Variants in LRRC4C observed in about 807,000 individuals in gnomAD.
LRRC4C encodes leucine-rich repeat-containing protein 4C.
A neutral mutation model predicts 33.6 loss-of-function variants in LRRC4C; 5 were observed. The ratio of observed to expected loss-of-function variants is 0.15; its 90% CI spans 0.08 to 0.31. The LOEUF is 0.31. Ranked by LOEUF, LRRC4C falls within the 10% of genes least tolerant of loss-of-function variation. The probability of loss-of-function intolerance (pLI) is 1.00; values close to 1 mark genes in which losing one functional copy is unlikely to be tolerated. For missense variants in LRRC4C, 560 were observed against 796.7 expected (o/e 0.70, Z 3.58); for synonymous variants, 329 against 302.0 (o/e 1.09, Z -0.93).
chr11:40,906,170 G>A (rs1234453951), intron 2 of LRRC4C, among the ~76,000 whole-genome samples: 1 of 152,176 alleles, frequency 6.6e-6, no homozygotes, highest in East Asian at 1.9e-4. Context: ...CTTTGTAACT[G>A]AGGTAGATAC....
chr11:40,717,672 T>C (rs1321293890), intron 2 of LRRC4C, among the ~76,000 whole-genome samples: 1 of 152,152 alleles, frequency 6.6e-6, no homozygotes, highest in African/African-American at 2.4e-5. Context: ...TTACCCCGTG[T>C]AGTCTTCTCA....
Position 41,424,644 on chromosome 11 carries a change from C to G in LRRC4C, c.-496+34787G>C, listed in dbSNP as rs181001739. Among the ~76,000 whole-genome samples, 197 of 152,034 alleles carry G rather than the reference C, an allele frequency of 1.3e-3. 2 individuals carry two copies. Among genetic ancestry groups the G allele is most frequent in the Non-Finnish European group, 1.0e-3 (71 of 67,964 alleles). ...GTACATTGATAAAGCAAAAGCAAAT[C>G]GAGATTTGACAGAAGATACCAATTT... On this transcript the variant is annotated intron_variant, in intron 1 of 6. Transcript: ENST00000528697.
chr11:40,674,565 G>A (rs967155746), intron 2 of LRRC4C, among the ~76,000 whole-genome samples: 2 of 152,186 alleles, frequency 1.3e-5, no homozygotes, highest in African/African-American at 4.8e-5. Context: ...ATGAGACAGT[G>A]CACGTGGAGA....
At chr11:41,001,341 C>T (rs906351862) in intron 1 of LRRC4C, among the ~76,000 whole-genome samples, 16 of 152,100 alleles carry the variant, frequency 1.1e-4, no homozygotes, top group East Asian at 3.9e-4. Context: ...GAGACCATTG[C>T]CATAAATCAG....
chr11:41,371,923 C>T (rs1844291551), intron 1 of LRRC4C, among the ~76,000 whole-genome samples: 1 of 152,220 alleles, frequency 6.6e-6, no homozygotes, highest in Non-Finnish European at 1.5e-5. Context: ...ATCAGGAGGT[C>T]AGGAGATCGA....
chr11:40,315,819 G>C (rs768602413), intron 4 of LRRC4C, among the ~76,000 whole-genome samples: 1 of 152,002 alleles, frequency 6.6e-6, no homozygotes, highest in East Asian at 1.9e-4. Flanking sequence ...TCTGAACAGC[G>C]GTTTATAAAA....
chr11:40,246,962 T>TC (rs528109515), intron 4 of LRRC4C, among the ~76,000 whole-genome samples: 16 of 152,168 alleles, frequency 1.1e-4, no homozygotes, highest in Non-Finnish European at 2.2e-4. Context: ...TACCAACTGC[T>TC]CAGTGGGAGA....
chr11:41,263,242 T>C (rs532480572), intron 1 of LRRC4C, among the ~76,000 whole-genome samples: 72 of 152,300 alleles, frequency 4.7e-4, no homozygotes, highest in Non-Finnish European at 7.4e-4. Context: ...ATTGATTTTT[T>C]GACTCAAAAA....
chr11:40,209,081 G>A (rs1392136077), intron 5 of LRRC4C, among the ~76,000 whole-genome samples: 1 of 151,890 alleles, frequency 6.6e-6, no homozygotes, highest in Non-Finnish European at 1.5e-5. Flanking sequence ...ATTTACAAAG[G>A]ACATGTGAAA....
chr11:41,363,139 T>C (rs1952415865), intron 1 of LRRC4C, among the ~76,000 whole-genome samples: 1 of 152,182 alleles, frequency 6.6e-6, no homozygotes, highest in African/African-American at 2.4e-5. Flanking sequence ...AGGATCTCCT[T>C]TGTTTCTCTG....
At chr11:40,766,353 TAAAAAAAAAA>T (rs60152534) in intron 2 of LRRC4C, among the ~76,000 whole-genome samples, 2 of 33,902 alleles carry the variant, frequency 5.9e-5, no homozygotes, top group Non-Finnish European at 1.1e-4. Context: ...TTCAGTCTGT[TAAAAAAAAAA>T]AAAAAAAAAA....
intron 3 of LRRC4C, among the ~76,000 whole-genome samples, chr11:40,338,688 A>T (rs547782966): frequency 7.1e-4 from 108 of 152,242 alleles, no homozygotes; most frequent in African/African-American, 1.6e-3. Flanking sequence ...TATTTTTTTT[A>T]AAAATGAAAA....
chr11:41,007,943 T>C (rs1854886532), intron 1 of LRRC4C, among the ~76,000 whole-genome samples: 1 of 152,162 alleles, frequency 6.6e-6, no homozygotes. Context: ...ATCTTGTTAC[T>C]TAAATCCAAT....
intron 4 of LRRC4C, among the ~76,000 whole-genome samples, chr11:40,305,641 T>C (rs1487743879): frequency 6.6e-6 from 1 of 151,880 alleles, no homozygotes; most frequent in Non-Finnish European, 1.5e-5. Context: ...TGTATGTTCT[T>C]AACTTCTAGC....
chr11:41,223,601 C>T lies in LRRC4C; in HGVS notation c.-496+235830G>A, dbSNP rs553407761. ...TTGTCCAAAACTTACTCCCTACATG[C>T]TCACATGCTAGTCTCCCAAAGAAGG... is the stretch of plus-strand genomic sequence containing the variant. On this transcript the variant is annotated intron_variant, in intron 1 of 6. Coordinates refer to ENST00000528697, the MANE Select transcript of LRRC4C (RefSeq NM_001258419.2). Among the ~76,000 whole-genome samples the T allele has an allele frequency of 9.2e-5, 14 of 152,296 alleles. No homozygotes were observed. In the South Asian group the frequency reaches 1.9e-3, roughly 20 times the overall value.
chr11:40,248,283 T>C (rs1055068105), intron 4 of LRRC4C, among the ~76,000 whole-genome samples: 2 of 152,210 alleles, frequency 1.3e-5, no homozygotes. Context: ...GTTCCTAAGA[T>C]AGTACTTATA....
At chr11:40,265,951 T>C (rs185271452) in intron 4 of LRRC4C, among the ~76,000 whole-genome samples, 31 of 152,306 alleles carry the variant, frequency 2.0e-4, no homozygotes, top group African/African-American at 5.5e-4. Context: ...GAATGGTTAA[T>C]ATAGTATTCA....
At chr11:40,928,543 T>C (rs1317922390) in intron 2 of LRRC4C, among the ~76,000 whole-genome samples, 1 of 152,004 alleles carries the variant, frequency 6.6e-6, no homozygotes, top group Non-Finnish European at 1.5e-5. Flanking sequence ...TAAGTAATAA[T>C]AGCTAACATT....
At chr11:41,003,413 G>A (rs1854517921) in intron 1 of LRRC4C, among the ~76,000 whole-genome samples, 1 of 152,050 alleles carries the variant, frequency 6.6e-6, no homozygotes, top group Non-Finnish European at 1.5e-5. Flanking sequence ...TAAAGAAAGG[G>A]AAATAAAGGA....
Sources: gnomAD v4.1 joint callset for allele counts (sites outside exome capture counted in the v4.1 genomes callset) on GRCh38, gnomAD v4.1.1 for gene constraint, MANE v1.5 for transcripts, NCBI Gene and HGNC (gene_info 2026-07-23, HGNC 2026-07-21) for gene names.